HMGXB4: variants seen among roughly 807,000 people sequenced by gnomAD.
HMGXB4 encodes the protein HMG-box containing 4.
Under a neutral mutation model 63.9 loss-of-function variants are expected in HMGXB4, and 27 were observed. That is an observed-to-expected ratio of 0.42 (90% CI 0.31 to 0.58). The LOEUF (loss-of-function observed/expected upper bound fraction) is 0.58, where lower values mean the gene tolerates loss of function less well. HMGXB4 is among the 20% of genes least tolerant of loss of function. The pLI, the probability that HMGXB4 is intolerant of heterozygous loss-of-function variation, is 0.13. For missense variants in HMGXB4, 624 were observed against 700.7 expected (o/e 0.89, Z 1.24); for synonymous variants, 264 against 265.3 (o/e 0.99, Z 0.05).
chr22:35,264,122 C>T (rs1923040982), intron 4 of HMGXB4: 2 of 1,387,298 alleles, frequency 1.4e-6, no homozygotes, highest in African/African-American at 2.9e-5. Context: ...TCCCCCCAAT[C>T]ATCCACTTAT....
chr22:35,261,986 A>G, intron 1 of HMGXB4: 1 of 184,444 alleles, frequency 5.4e-6, no homozygotes, highest in South Asian at 1.1e-4. Context: ...CTATCCCTCT[A>G]ACTTAATGTT....
chr22:35,253,132 C>CAAAAAAAAAAAAAAAAAA (rs554912249), upstream of HMGXB4, among the ~76,000 whole-genome samples: 1 of 96,578 alleles, frequency 1.0e-5, no homozygotes, highest in African/African-American at 5.2e-5. Flanking sequence ...AACTCCATCT[C>CAAAAAAAAAAAAAAAAAA]AAAAAAAAAA....
intron 5 of HMGXB4, among the ~76,000 whole-genome samples, chr22:35,281,774 C>T (rs538270408): frequency 1.1e-4 from 17 of 152,084 alleles, no homozygotes; most frequent in Non-Finnish European, 2.4e-4. Flanking sequence ...ATAGATAAGC[C>T]ATTATTAAAA....
At chr22:35,285,311 G>A (rs1161896232) in intron 6 of HMGXB4, among the ~76,000 whole-genome samples, 3 of 152,320 alleles carry the variant, frequency 2.0e-5, no homozygotes, top group East Asian at 1.9e-4. Context: ...TTGGGAGGCC[G>A]AGGTGGGTGG....
chr22:35,245,955 C>T, the HMGXB4 span, among the ~76,000 whole-genome samples: 30 of 152,298 alleles, frequency 2.0e-4, no homozygotes, highest in African/African-American at 7.0e-4. Context: ...AGTCCTGACT[C>T]TCTCCTTGGC....
chr22:35,274,476 A>G (rs1275289461), intron 5 of HMGXB4, among the ~76,000 whole-genome samples: 1 of 152,272 alleles, frequency 6.6e-6, no homozygotes, highest in Admixed American at 6.5e-5. Flanking sequence ...CTGTACATGT[A>G]GAGTTCCTCG....
At chr22:35,249,976 T>G in the HMGXB4 span, 1 of 98,442 alleles carries the variant, frequency 1.0e-5, no homozygotes, top group African/African-American at 2.6e-5. Flanking sequence ...GTACAAACCC[T>G]CAGCATGTTC....
chr22:35,293,530 C>A, intron 10 of HMGXB4, 77 bp from the exon 11 acceptor site: 2 of 957,184 alleles, frequency 2.1e-6, no homozygotes, highest in Non-Finnish European at 3.4e-6. Context: ...TCTTATCTCT[C>A]TCCTTGAACA....
the HMGXB4 span, chr22:35,249,706 T>C: frequency 1.0e-5 from 1 of 99,502 alleles, no homozygotes; most frequent in Non-Finnish European, 2.8e-5. Flanking sequence ...CATGGATGTT[T>C]GTACTTTGAA....
intron 4 of HMGXB4, among the ~76,000 whole-genome samples, chr22:35,264,279 C>T (rs1401010534): frequency 1.3e-5 from 2 of 152,220 alleles, no homozygotes; most frequent in African/African-American, 4.8e-5. Context: ...ACTCAACTTT[C>T]ACCAGAATGG....
intron 1 of HMGXB4, among the ~76,000 whole-genome samples, chr22:35,257,850 C>T (rs969299281): frequency 5.9e-5 from 9 of 151,872 alleles, no homozygotes; most frequent in Non-Finnish European, 1.5e-5. Flanking sequence ...CGGGGGCCTG[C>T]GGACCCGGGC....
chr22:35,257,816 C>T (rs993518092), intron 1 of HMGXB4, among the ~76,000 whole-genome samples: 2 of 152,018 alleles, frequency 1.3e-5, no homozygotes, highest in Admixed American at 6.5e-5. Context: ...AGCTGCGGGG[C>T]CGGGAGGGGG....
At chr22:35,270,988 C>T (rs1429836080) in intron 5 of HMGXB4, among the ~76,000 whole-genome samples, 4 of 152,078 alleles carry the variant, frequency 2.6e-5, no homozygotes, top group East Asian at 3.9e-4. Flanking sequence ...GACAGGCAGG[C>T]GCAATGGCAT....
intron 5 of HMGXB4, among the ~76,000 whole-genome samples, chr22:35,269,064 G>A (rs939374532): frequency 4.6e-5 from 7 of 152,128 alleles, no homozygotes; most frequent in Non-Finnish European, 8.8e-5. Context: ...AAGACTATAA[G>A]GGAAGACTGA....
chr22:35,255,631 C>T (rs558144018), upstream of HMGXB4, among the ~76,000 whole-genome samples: 2 of 152,322 alleles, frequency 1.3e-5, no homozygotes, highest in South Asian at 4.1e-4. Context: ...GAGGAGAGCA[C>T]CACAGACACG....
upstream of HMGXB4, among the ~76,000 whole-genome samples, chr22:35,254,012 C>A (rs898974676): frequency 6.6e-6 from 1 of 152,100 alleles, no homozygotes; most frequent in Non-Finnish European, 1.5e-5. Flanking sequence ...AATGTATGTA[C>A]CCAGGATGGC....
chr22:35,254,987 T>A (rs185357303), upstream of HMGXB4, among the ~76,000 whole-genome samples: 11 of 152,322 alleles, frequency 7.2e-5, no homozygotes, highest in Admixed American at 5.9e-4. Flanking sequence ...TTTGCCTACC[T>A]AACATGCACT....
At chr22:35,250,212 T>C in the HMGXB4 span, among the ~76,000 whole-genome samples, 3 of 152,206 alleles carry the variant, frequency 2.0e-5, no homozygotes, top group South Asian at 2.1e-4. Flanking sequence ...TTCATTTGCA[T>C]TGTATAAAGG....
rs995180771 is a variant in HMGXB4, at chr22:35,283,270, C to T, written c.1216-692C>T. Among the ~76,000 whole-genome samples the T allele has an allele frequency of 3.3e-5, 5 of 152,208 alleles. No individual in the cohort carries two copies. The South Asian group carries it at 1.0e-3, about 32-fold the overall frequency. On this transcript the variant is annotated intron_variant, in intron 5 of 10. Coordinates refer to ENST00000216106, the MANE Select transcript of HMGXB4 (RefSeq NM_001003681.3). The stretch of plus-strand genomic sequence containing the variant: ...AGATTTGGCTTTTGGGTTTCTGGCT[C>T]CAAAGTTTAAAAGGAAATTATGTGG...
Sources: allele counts gnomAD v4.1 joint callset (sites outside exome capture counted in the v4.1 genomes callset), GRCh38; gene constraint gnomAD v4.1.1; transcripts MANE v1.5; gene names NCBI Gene and HGNC (gene_info 2026-07-23, HGNC 2026-07-21).